The following STARD9 variants were observed in gnomAD, a reference collection of about 807,000 sequenced individuals.
STARD9 encodes StAR related lipid transfer domain containing 9, also known as stAR-related lipid transfer protein 9.
STARD9 carries 346 observed loss-of-function variants against 399.8 expected under a neutral mutation model. The ratio of observed to expected loss-of-function variants is 0.87; its 90% CI spans 0.79 to 0.95. STARD9 has a LOEUF of 0.95. STARD9 is among the 40% of genes least tolerant of loss of function. The probability of loss-of-function intolerance (pLI) is 0.00; values close to 1 mark genes in which losing one functional copy is unlikely to be tolerated. For synonymous variants in STARD9, 2,203 were observed against 2,143.5 expected, an observed-to-expected ratio of 1.03 and a Z score of -0.77; for missense variants, 5,832 against 5,667.5, an observed-to-expected ratio of 1.03 and a Z score of -0.93.
rs1566966023 is a variant in STARD9 at position 42,712,089 on chromosome 15, A to AATATATAATATAT, written c.13285-4588_13285-4587insATATATAATATAT. 3.5e-4 allele frequency among the ~76,000 whole-genome samples: 3 copies of AATATATAATATAT among 8,492 alleles called. No individual in the cohort carries two copies. In the African/African-American group the frequency reaches 4.9e-3, roughly 14 times the overall value. 5.6% of individuals were successfully genotyped at this position (8,492 alleles called of 152,430 possible). Reference sequence around the variant, plus strand: ...TTATATATATATATATATTATATATATATATATAATATATAATATATAATA... The same window carrying AATATATAATATAT: ...TTATATATATATATATATTATATATAATATATAATATATTATATATAATATATAATATATAATA... On this transcript the variant is annotated intron_variant, in intron 26 of 32. Coordinates refer to ENST00000290607, the MANE Select transcript of STARD9 (RefSeq NM_020759.3).
chr15:42,691,556 C>A lies in STARD9; in HGVS notation c.9978C>A (p.Phe3326Leu). 1 of 1,537,282 alleles carries A rather than the reference C, an allele frequency of 6.5e-7. No individual in the cohort carries two copies. The highest frequency in any genetic ancestry group is 8.7e-7 in the Non-Finnish European group (1 of 1,146,918). ...KHSRSSPTPQ[F>L]SVVGSSRSLQ... ...CCAGGTCCTCCCCCACACCACAGTTCTCAGTTGTCGGCTCTTCTCGTTCTC... is the reference window on the plus strand; with the variant it reads ...CCAGGTCCTCCCCCACACCACAGTTATCAGTTGTCGGCTCTTCTCGTTCTC... Residue 3326 changes from phenylalanine (F) to leucine (L), a missense_variant, in exon 23 of 33, where the codon TTC becomes TTA. Transcript: ENST00000290607.
intron 3 of STARD9, among the ~76,000 whole-genome samples, chr15:42,591,487 T>TAA (rs58884115): frequency 7.3e-6 from 1 of 136,078 alleles, no homozygotes; most frequent in Non-Finnish European, 1.6e-5. Flanking sequence ...GAGTCCATCT[T>TAA]AAAAAAAAAA....
At position 42,688,512 on chromosome 15, in the gene STARD9, A is replaced by G. The variant is rs1273655761; in HGVS notation, c.6934A>G (p.Thr2312Ala). 2 of 1,537,870 alleles carry G rather than the reference A, an allele frequency of 1.3e-6. No individual in the cohort carries two copies. Among genetic ancestry groups the G allele is most frequent in the Non-Finnish European group, 1.7e-6 (2 of 1,147,052 alleles). The change falls in exon 23 of 33, where the codon ACT (threonine) becomes GCT (alanine). Residue 2312 changes from threonine (T) to alanine (A), a missense_variant. By Grantham distance (58) the Thr-to-Ala change is moderately conservative (BLOSUM62 0). Around this residue, in one of 2 missense-constraint regions of STARD9, gnomAD observed 5,828 missense variants for 5,651.1 expected, o/e 1.03. Transcript: ENST00000290607. ...TAGGGACACGTTTTTCAGGCAGGAA[A>G]CTGTCAGCCCATTACTAAGCCGGAC... is the stretch of plus-strand genomic sequence containing the variant. Reference protein sequence around the residue: ...LCRDTFFRQETVSPLLSRTEF... With the variant: ...LCRDTFFRQEAVSPLLSRTEF...
intron 4 of STARD9, among the ~76,000 whole-genome samples, chr15:42,635,808 A>G (rs535874897): frequency 6.6e-6 from 1 of 152,302 alleles, no homozygotes; most frequent in African/African-American, 2.4e-5. Flanking sequence ...AGAGCTGTGC[A>G]GAGATTTGAT....
At chr15:42,665,717 G>A (rs2060087280) in intron 14 of STARD9, 69 bp from the exon 15 acceptor site, 5 of 1,268,124 alleles carry the variant, frequency 3.9e-6, no homozygotes, top group East Asian at 2.5e-5. Flanking sequence ...TCCTCCACAA[G>A]TGTAAGGGTG....
At chr15:42,697,632 A>G (rs543287618) in intron 26 of STARD9, among the ~76,000 whole-genome samples, 2 of 152,338 alleles carry the variant, frequency 1.3e-5, no homozygotes, top group African/African-American at 2.4e-5. Flanking sequence ...CTCATGTGAC[A>G]CATTGAGTTG....
At position 42,638,829 on chromosome 15, in the gene STARD9, C is replaced by A; in HGVS notation, c.559+17C>A. On this transcript the variant is annotated intron_variant, in intron 7 of 32. Coordinates refer to ENST00000290607, the MANE Select transcript of STARD9 (RefSeq NM_020759.3). The stretch of plus-strand genomic sequence containing the variant: ...ATGTACAAGGTGAGCTACTGTGGTC[C>A]TGGAGATCTGAAACCAAACTGAAGC... The A allele has an allele frequency of 6.9e-7, 1 of 1,451,484 alleles. No individual in the cohort carries two copies. Among genetic ancestry groups the A allele is most frequent in the Non-Finnish European group, 9.3e-7 (1 of 1,080,290 alleles). 89.9% of individuals were successfully genotyped at this position (1,451,484 alleles called of 1,614,324 possible).
At chr15:42,599,318 A>G (rs1566863029) in intron 3 of STARD9, among the ~76,000 whole-genome samples, 1 of 152,178 alleles carries the variant, frequency 6.6e-6, no homozygotes, top group African/African-American at 2.4e-5. Flanking sequence ...ATACATGAAA[A>G]CACCATCTTG....
chr15:42,637,717 C>T (rs962082228), intron 4 of STARD9, among the ~76,000 whole-genome samples, 190 bp from the exon 5 acceptor site: 4 of 152,156 alleles, frequency 2.6e-5, no homozygotes, highest in African/African-American at 9.7e-5. Flanking sequence ...ACATTTCTCC[C>T]ATGAGTGTCT....
At chr15:42,614,794 G>T (rs1388156077) in intron 3 of STARD9, among the ~76,000 whole-genome samples, 1 of 151,738 alleles carries the variant, frequency 6.6e-6, no homozygotes, top group Non-Finnish European at 1.5e-5. Flanking sequence ...GTGAAACCCC[G>T]TCTCTACTAA....
chr15:42,669,238 C>G lies in STARD9; in HGVS notation c.1398C>G (p.Asn466Lys). 2 of 1,537,132 alleles carry G rather than the reference C, an allele frequency of 1.3e-6. No individual in the cohort carries two copies. The highest frequency in any genetic ancestry group is 4.9e-5 in the East Asian group (2 of 40,920). Residue 466 changes from asparagine to lysine, a missense_variant, in exon 16 of 33, where the codon AAC becomes AAG. Around this residue, in one of 2 missense-constraint regions of STARD9, gnomAD observed 5,828 missense variants for 5,651.1 expected, o/e 1.03. Transcript: ENST00000290607. ...ALMEHYSVDI[N>K]RRRAGVVIDS... ...TGGAGCATTACAGTGTGGACATCAA[C>G]AGGAGGAGGGCTGGGGTGGTCATCG...
chr15:42,660,215 G>C (rs1759327582), intron 9 of STARD9, among the ~76,000 whole-genome samples: 1 of 152,164 alleles, frequency 6.6e-6, no homozygotes, highest in African/African-American at 2.4e-5. Context: ...AAGACTTGAG[G>C]GATTTGGGGA....
intron 3 of STARD9, among the ~76,000 whole-genome samples, chr15:42,592,625 A>C (rs939379680): frequency 6.6e-6 from 1 of 151,972 alleles, no homozygotes; most frequent in Non-Finnish European, 1.5e-5. Flanking sequence ...TTGTATTTGT[A>C]GTAGAGACGG....
At chr15:42,639,621 G>A (rs2059492756) in intron 7 of STARD9, among the ~76,000 whole-genome samples, 1 of 152,180 alleles carries the variant, frequency 6.6e-6, no homozygotes, top group Non-Finnish European at 1.5e-5. Context: ...CAATGCTTTG[G>A]GAGGCTGAGA....
At chr15:42,609,443 C>CTT (rs879543760) in intron 3 of STARD9, among the ~76,000 whole-genome samples, 2 of 142,360 alleles carry the variant, frequency 1.4e-5, no homozygotes, top group African/African-American at 2.6e-5. Context: ...ATTTTTAAAA[C>CTT]TTTTTTTTTT....
intron 20 of STARD9, 133 bp from the exon 21 acceptor site, chr15:42,681,289 G>A: frequency 1.2e-6 from 1 of 848,354 alleles, no homozygotes; most frequent in Non-Finnish European, 1.7e-6. Flanking sequence ...TTTGTCCAAG[G>A]TTGCCAGAAG....
chr15:42,701,854 C>T (rs1267513790), intron 26 of STARD9, among the ~76,000 whole-genome samples: 9 of 151,748 alleles, frequency 5.9e-5, no homozygotes, highest in Non-Finnish European at 8.8e-5. Flanking sequence ...ATTAGCCAGG[C>T]GTGGCAGCAT....
rs757114233 is a variant in STARD9 at position 42,665,339 on chromosome 15, A to T, written c.1254+9A>T. The T allele has an allele frequency of 2.0e-6, 3 of 1,534,382 alleles. No individual in the cohort carries two copies. The highest frequency in any genetic ancestry group is 2.6e-6 in the Non-Finnish European group (3 of 1,144,408). ...TGCTGAGCTTTGAACTGGTATGCAG[A>T]CAGTCAGAACCTTTCCGTACTTAAG... On this transcript the variant is annotated intron_variant, in intron 14 of 32. Transcript: ENST00000290607.
Position 42,575,665 on chromosome 15 carries a change from C to T in STARD9, c.-51C>T, listed in dbSNP as rs1416238655. On this transcript the variant is annotated 5_prime_UTR_variant, in exon 1 of 33. Transcript: ENST00000290607. Reference sequence around the variant, plus strand: ...CTGTGTCTGGGCTTAGGGCGGGGGCCTGGGATGCTGCCGCTGAGCTGACCC... The same window carrying T: ...CTGTGTCTGGGCTTAGGGCGGGGGCTTGGGATGCTGCCGCTGAGCTGACCC... 4 of 1,531,062 alleles carry T rather than the reference C, an allele frequency of 2.6e-6. No individual in the cohort carries two copies. Among genetic ancestry groups the T allele is most frequent in the African/African-American group, 1.4e-5 (1 of 72,860 alleles). 94.8% of individuals were successfully genotyped at this position (1,531,062 alleles called of 1,614,324 possible).
Sources: gnomAD v4.1 joint callset for allele counts (sites outside exome capture counted in the v4.1 genomes callset) on GRCh38, gnomAD v4.1.1 for gene constraint, gnomAD v4.1.1 regional missense constraint, MANE v1.5 for transcripts, NCBI Gene and HGNC (gene_info 2026-07-23, HGNC 2026-07-21) for gene names.